The following TTC28 variants were observed in gnomAD, a reference collection of about 807,000 sequenced individuals.
TTC28 encodes the protein tetratricopeptide repeat protein 28.
TTC28 carries 61 observed loss-of-function variants against 198.0 expected under a neutral mutation model. The ratio of observed to expected loss-of-function variants is 0.31; its 90% CI spans 0.25 to 0.38. The LOEUF (loss-of-function observed/expected upper bound fraction) is 0.38. Among genes scored for constraint, TTC28 ranks in the 10% least tolerant of loss-of-function variants. The pLI, the probability that TTC28 is intolerant of heterozygous loss-of-function variation, is 1.00. For synonymous variants in TTC28, 1,171 were observed against 1,297.8 expected (o/e 0.90, Z 2.10); for missense variants, 2,678 against 3,164.0 (o/e 0.85, Z 3.69).
At chr22:28,566,864 G>C (rs1244704175) in intron 2 of TTC28, among the ~76,000 whole-genome samples, 5 of 152,064 alleles carry the variant, frequency 3.3e-5, no homozygotes. Flanking sequence ...TGGCAGGACT[G>C]CTTGAGCCCA....
chr22:28,187,922 T>A, intron 5 of TTC28, among the ~76,000 whole-genome samples: 1 of 152,354 alleles, frequency 6.6e-6, no homozygotes, highest in South Asian at 2.1e-4. Context: ...TAGATTTACA[T>A]TGTAAGCATT....
intron 8 of TTC28, among the ~76,000 whole-genome samples, chr22:28,104,911 T>C (rs1357179013): frequency 1.3e-5 from 2 of 152,192 alleles, no homozygotes; most frequent in East Asian, 3.8e-4. Context: ...TTTTTAGGAT[T>C]ACATCTTACT....
intron 12 of TTC28, among the ~76,000 whole-genome samples, chr22:28,089,154 C>T (rs1354156094): frequency 6.6e-6 from 1 of 152,110 alleles, no homozygotes; most frequent in Non-Finnish European, 1.5e-5. Flanking sequence ...CCCAGCCATC[C>T]CATTACTGAG....
intron 5 of TTC28, among the ~76,000 whole-genome samples, chr22:28,275,456 T>C (rs904409908): frequency 6.6e-6 from 1 of 152,174 alleles, no homozygotes; most frequent in African/African-American, 2.4e-5. Context: ...AATTGGACAA[T>C]GTTAGGAACC....
intron 5 of TTC28, among the ~76,000 whole-genome samples, chr22:28,170,649 A>G (rs1210589104): frequency 6.6e-6 from 1 of 152,108 alleles, no homozygotes; most frequent in Non-Finnish European, 1.5e-5. Context: ...ATGGTAAGAG[A>G]GATGTTTACC....
At chr22:28,129,155 T>G (rs780465183) in intron 6 of TTC28, among the ~76,000 whole-genome samples, 5 of 152,200 alleles carry the variant, frequency 3.3e-5, no homozygotes, top group African/African-American at 4.8e-5. Flanking sequence ...TCTCAAAGTT[T>G]ACCCATATAA....
chr22:28,594,491 C>T (rs547202131), intron 2 of TTC28, among the ~76,000 whole-genome samples: 1 of 148,726 alleles, frequency 6.7e-6, no homozygotes, highest in Non-Finnish European at 1.5e-5. Flanking sequence ...TTTAAGTTTA[C>T]TTTATCCTTT....
At chr22:28,438,869 G>A (rs2047566347) in intron 2 of TTC28, among the ~76,000 whole-genome samples, 1 of 152,130 alleles carries the variant, frequency 6.6e-6, no homozygotes, top group Admixed American at 6.5e-5. Context: ...ACACTGGATG[G>A]GGTACCTGGT....
chr22:28,442,312 G>C (rs2047636131), intron 2 of TTC28, among the ~76,000 whole-genome samples: 2 of 152,330 alleles, frequency 1.3e-5, no homozygotes, highest in Admixed American at 1.3e-4. Context: ...AGCCCCGCAG[G>C]CTGAAGGCCC....
At chr22:28,274,272 C>G (rs1360298964) in intron 5 of TTC28, among the ~76,000 whole-genome samples, 1 of 152,046 alleles carries the variant, frequency 6.6e-6, no homozygotes, top group Non-Finnish European at 1.5e-5. Flanking sequence ...ATTTGTGTAC[C>G]TTTCCATAGA....
chr22:28,370,505 T>C (rs1310100970), intron 2 of TTC28, among the ~76,000 whole-genome samples: 1 of 152,234 alleles, frequency 6.6e-6, no homozygotes, highest in African/African-American at 2.4e-5. Context: ...ACATAAAAAC[T>C]ATTCTATATC....
At chr22:28,672,579 C>T (rs1240249854) in intron 1 of TTC28, among the ~76,000 whole-genome samples, 3 of 152,188 alleles carry the variant, frequency 2.0e-5, no homozygotes, top group Admixed American at 2.0e-4. Flanking sequence ...GGATTACAGG[C>T]ATGACCCACC....
intron 2 of TTC28, among the ~76,000 whole-genome samples, chr22:28,426,738 C>T (rs1158322191): frequency 1.3e-5 from 2 of 152,158 alleles, no homozygotes; most frequent in Non-Finnish European, 2.9e-5. Context: ...CCTTGACCTC[C>T]CCTCTAATCA....
chr22:28,166,019 G>T (rs1007259512), intron 5 of TTC28, among the ~76,000 whole-genome samples: 5 of 152,002 alleles, frequency 3.3e-5, no homozygotes, highest in African/African-American at 9.7e-5. Context: ...AAAAGGCAGG[G>T]GTTGCAATCC....
chr22:28,294,065 A>G (rs1348080693), intron 5 of TTC28, among the ~76,000 whole-genome samples: 2 of 152,228 alleles, frequency 1.3e-5, no homozygotes, highest in Non-Finnish European at 2.9e-5. Flanking sequence ...ACATAAGGGA[A>G]AAAAGAAATT....
intron 2 of TTC28, among the ~76,000 whole-genome samples, chr22:28,317,506 T>C (rs1369030801): frequency 1.3e-5 from 2 of 152,234 alleles, no homozygotes; most frequent in African/African-American, 4.8e-5. Flanking sequence ...CAGGTTTTGT[T>C]GTTCTATTAG....
At chr22:28,167,928 T>C (rs1162013918) in intron 5 of TTC28, among the ~76,000 whole-genome samples, 1 of 152,192 alleles carries the variant, frequency 6.6e-6, no homozygotes, top group Non-Finnish European at 1.5e-5. Context: ...AACCCCATCA[T>C]CTCAGCCTCA....
chr22:28,509,239 A>C (rs71325302), intron 2 of TTC28, among the ~76,000 whole-genome samples: 7,975 of 152,134 alleles, frequency 0.052, 282 homozygotes, highest in African/African-American at 0.096. Context: ...CAGAATATAC[A>C]TTCTTCCCAT....
intron 6 of TTC28, among the ~76,000 whole-genome samples, chr22:28,153,204 T>C (rs920772223): frequency 6.6e-6 from 1 of 151,930 alleles, no homozygotes; most frequent in Non-Finnish European, 1.5e-5. Flanking sequence ...AGAGTCACCA[T>C]TTCTGGTGAC....
Sources: gnomAD v4.1 joint callset for allele counts (sites outside exome capture counted in the v4.1 genomes callset) on GRCh38, gnomAD v4.1.1 for gene constraint, MANE v1.5 for transcripts, NCBI Gene and HGNC (gene_info 2026-07-23, HGNC 2026-07-21) for gene names.